TEAD1: variants seen among roughly 807,000 people sequenced by gnomAD.
The protein encoded by TEAD1 is TEA domain transcription factor 1.
Under a neutral mutation model 54.9 loss-of-function variants are expected in TEAD1, and 9 were observed. The ratio of observed to expected loss-of-function variants is 0.16; its 90% CI spans 0.10 to 0.29. TEAD1 has a LOEUF of 0.29. Among genes scored for constraint, TEAD1 ranks in the 10% least tolerant of loss-of-function variants. The probability of loss-of-function intolerance (pLI) is 1.00; values close to 1 mark genes in which losing one functional copy is unlikely to be tolerated. For missense variants in TEAD1, 387 were observed against 535.9 expected (o/e 0.72, Z 2.74); for synonymous variants, 200 against 187.8 (o/e 1.07, Z -0.53).
intron 3 of TEAD1, among the ~76,000 whole-genome samples, chr11:12,830,909 C>T (rs1476643428): frequency 6.6e-6 from 1 of 152,086 alleles, no homozygotes; most frequent in African/African-American, 2.4e-5. Flanking sequence ...TGATTCTCTT[C>T]CCTTTTCTAT....
At chr11:12,716,314 G>C (rs1330853327) in intron 2 of TEAD1, among the ~76,000 whole-genome samples, 1 of 150,348 alleles carries the variant, frequency 6.7e-6, no homozygotes, top group East Asian at 1.9e-4. Context: ...GCAGCAGAGA[G>C]TGTGACTTCC....
chr11:12,844,354 T>C (rs1303995866), intron 3 of TEAD1, among the ~76,000 whole-genome samples: 1 of 152,208 alleles, frequency 6.6e-6, no homozygotes, highest in Non-Finnish European at 1.5e-5. Context: ...AGTTTTTTCT[T>C]TCAACGTGTT....
At chr11:12,872,522 G>C (rs61878775) in intron 5 of TEAD1, among the ~76,000 whole-genome samples, 1,651 of 152,290 alleles carry the variant, frequency 0.011, 19 homozygotes, top group Middle Eastern at 0.02. Flanking sequence ...ACTAAGATTG[G>C]AGACAATTTC....
At chr11:12,920,452 A>G (rs1289887243) in intron 10 of TEAD1, among the ~76,000 whole-genome samples, 1 of 152,136 alleles carries the variant, frequency 6.6e-6, no homozygotes, top group East Asian at 1.9e-4. Context: ...ACAATTGCTT[A>G]TTTCACTGTG....
intron 2 of TEAD1, among the ~76,000 whole-genome samples, chr11:12,725,731 A>G (rs1944297703): frequency 6.6e-6 from 1 of 152,232 alleles, no homozygotes; most frequent in Non-Finnish European, 1.5e-5. Flanking sequence ...CAGTGGTCTG[A>G]GAAAGAAACC....
chr11:12,763,491 C>A (rs1488338578), intron 2 of TEAD1, among the ~76,000 whole-genome samples: 1 of 152,122 alleles, frequency 6.6e-6, no homozygotes, highest in Non-Finnish European at 1.5e-5. Context: ...AGGGTAAAAG[C>A]CCCAGAGATA....
intron 3 of TEAD1, among the ~76,000 whole-genome samples, chr11:12,854,945 C>T (rs4757955): frequency 2.0e-5 from 3 of 151,228 alleles, no homozygotes; most frequent in Non-Finnish European, 4.4e-5. Context: ...TCTTGTGTTC[C>T]ATCCACACAC....
chr11:12,862,886 A>G (rs1006574105), intron 4 of TEAD1, among the ~76,000 whole-genome samples: 8 of 152,234 alleles, frequency 5.3e-5, no homozygotes, highest in African/African-American at 2.4e-5. Context: ...GAGCAGTATC[A>G]GGAATTCTCT....
At chr11:12,796,079 C>G (rs1255224819) in intron 3 of TEAD1, among the ~76,000 whole-genome samples, 1 of 152,100 alleles carries the variant, frequency 6.6e-6, no homozygotes, top group African/African-American at 2.4e-5. Flanking sequence ...CACAGTAGTG[C>G]AGAAACTGGG....
chr11:12,925,105 T>G, intron 11 of TEAD1, 53 bp downstream of exon 11: 4 of 1,603,234 alleles, frequency 2.5e-6, no homozygotes, highest in Non-Finnish European at 2.6e-6. Context: ...ACTGTTGCCT[T>G]CCTTTAAACC....
intron 3 of TEAD1, among the ~76,000 whole-genome samples, chr11:12,858,781 A>G (rs1335412020): frequency 2.0e-5 from 3 of 152,232 alleles, no homozygotes; most frequent in Non-Finnish European, 4.4e-5. Flanking sequence ...TGTTGAAGTC[A>G]TAATTTTTAG....
intron 3 of TEAD1, among the ~76,000 whole-genome samples, chr11:12,785,330 G>T (rs1015390780): frequency 3.9e-5 from 6 of 152,188 alleles, no homozygotes; most frequent in African/African-American, 1.2e-4. Flanking sequence ...CCCGGTTCCA[G>T]TTCTGAGGGC....
intron 2 of TEAD1, among the ~76,000 whole-genome samples, chr11:12,753,978 A>G (rs1240598777): frequency 6.6e-6 from 1 of 152,182 alleles, no homozygotes; most frequent in Non-Finnish European, 1.5e-5. Context: ...CTCATGTATC[A>G]GGAAAAAAAT....
intron 5 of TEAD1, chr11:12,878,872 T>C: frequency 7.8e-7 from 1 of 1,278,318 alleles, no homozygotes; most frequent in Non-Finnish European, 1.0e-6. Context: ...TAACAAATTG[T>C]TTATTATTGT....
intron 5 of TEAD1, among the ~76,000 whole-genome samples, chr11:12,869,510 G>A (rs944149307): frequency 1.3e-5 from 2 of 152,162 alleles, no homozygotes; most frequent in African/African-American, 2.4e-5. Context: ...TTCAATAGCA[G>A]CATTTAAAAA....
At chr11:12,919,346 A>G (rs1948765874) in intron 10 of TEAD1, among the ~76,000 whole-genome samples, 1 of 152,232 alleles carries the variant, frequency 6.6e-6, no homozygotes, top group Non-Finnish European at 1.5e-5. Context: ...GCAAGCAGTA[A>G]GGACTTTGCT....
chr11:12,711,947 G>C (rs568514238), intron 2 of TEAD1, among the ~76,000 whole-genome samples: 34 of 152,136 alleles, frequency 2.2e-4, no homozygotes, highest in African/African-American at 8.2e-4. Context: ...TGAATGTGCA[G>C]AGCCTGCCTC....
chr11:12,840,877 A>G (rs1417648583), intron 3 of TEAD1, among the ~76,000 whole-genome samples: 1 of 152,170 alleles, frequency 6.6e-6, no homozygotes, highest in Non-Finnish European at 1.5e-5. Flanking sequence ...TATTGCTTTT[A>G]TAGGGAGAGT....
At chr11:12,829,463 T>C (rs574137024) in intron 3 of TEAD1, among the ~76,000 whole-genome samples, 5 of 152,348 alleles carry the variant, frequency 3.3e-5, no homozygotes, top group African/African-American at 9.6e-5. Context: ...CAACTGAGAC[T>C]AATGCAGAAA....
Sources: gnomAD v4.1 joint callset for allele counts (sites outside exome capture counted in the v4.1 genomes callset) on GRCh38, gnomAD v4.1.1 for gene constraint, MANE v1.5 for transcripts, NCBI Gene and HGNC (gene_info 2026-07-23, HGNC 2026-07-21) for gene names.